ZSWIM6: variants seen among roughly 807,000 people sequenced by gnomAD.
ZSWIM6 encodes the protein zinc finger SWIM-type containing 6.
Under a neutral mutation model 113.2 loss-of-function variants are expected in ZSWIM6, and 9 were observed. That is an observed-to-expected ratio of 0.08 (90% CI 0.05 to 0.14). ZSWIM6 has a LOEUF of 0.14. Ranked by LOEUF, ZSWIM6 falls within the 10% of genes least tolerant of loss-of-function variation. ZSWIM6 has a pLI of 1.00. For missense variants in ZSWIM6, 1,162 were observed against 1,552.2 expected (o/e 0.75, Z 4.22); for synonymous variants, 611 against 606.5 (o/e 1.01, Z -0.11).
rs1005159235 is a variant in ZSWIM6, at chr5:61,444,124, C to A, written c.677-28557C>A. On this transcript the variant is annotated intron_variant, in intron 1 of 13. Transcript: ENST00000252744. ...CCCCCCACCCCACAACAGTCCCCAG[C>A]ATGTGATGTTCCCCTTCCTGTGTCC... Among the ~76,000 whole-genome samples the A allele has an allele frequency of 2.0e-4, 24 of 121,640 alleles. 1 individual carries two copies. The highest frequency in any genetic ancestry group is 7.5e-4 in the African/African-American group (24 of 32,144). The allele number at this position is 121,640 out of a possible 152,430, so 79.8% of individuals were successfully genotyped here.
chr5:61,461,902 C>G (rs1482015113), intron 1 of ZSWIM6, among the ~76,000 whole-genome samples: 1 of 152,070 alleles, frequency 6.6e-6, no homozygotes, highest in African/African-American at 2.4e-5. Context: ...AACAGATGAC[C>G]TCTTTGCTTA....
intron 1 of ZSWIM6, among the ~76,000 whole-genome samples, chr5:61,398,614 G>A (rs558524932): frequency 2.6e-5 from 4 of 152,192 alleles, no homozygotes; most frequent in South Asian, 2.1e-4. Context: ...TTGGAACCTC[G>A]TTTTTCCTTA....
intron 10 of ZSWIM6, 77 bp downstream of exon 10, chr5:61,535,696 C>A: frequency 1.3e-6 from 2 of 1,496,474 alleles, no homozygotes; most frequent in South Asian, 1.2e-5. Flanking sequence ...TGACTTACTC[C>A]TTCATGTTTC....
chr5:61,394,304 C>T (rs990243427), intron 1 of ZSWIM6, among the ~76,000 whole-genome samples: 3 of 152,150 alleles, frequency 2.0e-5, no homozygotes, highest in African/African-American at 7.2e-5. Context: ...GAGAGTGTGC[C>T]CTTGTCTCTG....
At chr5:61,504,149 G>A (rs1748541357) in intron 4 of ZSWIM6, among the ~76,000 whole-genome samples, 1 of 152,126 alleles carries the variant, frequency 6.6e-6, no homozygotes, top group South Asian at 2.1e-4. Flanking sequence ...TGATTGAAAG[G>A]TATTAATCTT....
At chr5:61,401,570 A>G (rs1339430977) in intron 1 of ZSWIM6, among the ~76,000 whole-genome samples, 2 of 152,124 alleles carry the variant, frequency 1.3e-5, no homozygotes, top group Non-Finnish European at 2.9e-5. Context: ...TCTGAATGAC[A>G]TTTACCTGAA....
intron 9 of ZSWIM6, 38 bp downstream of exon 9, chr5:61,531,763 T>C: frequency 6.5e-7 from 1 of 1,545,142 alleles, no homozygotes; most frequent in South Asian, 1.2e-5. Flanking sequence ...ATTTAGCCAA[T>C]TTGACTTAGG....
At chr5:61,521,583 T>C in intron 5 of ZSWIM6, 141 bp downstream of exon 5, 1 of 526,208 alleles carries the variant, frequency 1.9e-6, no homozygotes, top group Non-Finnish European at 3.0e-6. Context: ...ATGTGTTGAC[T>C]GTGAGTGTAT....
intron 4 of ZSWIM6, among the ~76,000 whole-genome samples, chr5:61,496,582 C>T (rs774932406): frequency 2.0e-5 from 3 of 152,204 alleles, no homozygotes; most frequent in Middle Eastern, 3.4e-3. Context: ...TGAGTTTTGT[C>T]GGCAAATGGG....
At chr5:61,370,338 TTC>T (rs1270151876) in intron 1 of ZSWIM6, among the ~76,000 whole-genome samples, 2 of 152,252 alleles carry the variant, frequency 1.3e-5, no homozygotes, top group African/African-American at 4.8e-5. Context: ...GGAAAAGTCA[TTC>T]TATACCATTG....
intron 1 of ZSWIM6, 133 bp downstream of exon 1, chr5:61,333,081 C>T (rs1744301625): frequency 9.4e-6 from 9 of 959,832 alleles, no homozygotes; most frequent in Non-Finnish European, 1.1e-5. Context: ...CCTCACTGGC[C>T]CGGACGGTCC....
chr5:61,451,635 G>A lies in ZSWIM6; in HGVS notation c.677-21046G>A, dbSNP rs372070621. Among the ~76,000 whole-genome samples the A allele has an allele frequency of 3.9e-4, 60 of 152,266 alleles. 1 individual carries two copies. In the South Asian group the frequency reaches 0.011, roughly 28 times the overall value. ...CCCCAGAATGGCAATAAAGATAGAG[G>A]AAAGGTTCTTTCTTTTAAATGGAGA... On this transcript the variant is annotated intron_variant, in intron 1 of 13. Transcript: ENST00000252744.
At chr5:61,423,421 C>CAA (rs57590872) in intron 1 of ZSWIM6, among the ~76,000 whole-genome samples, 3,295 of 137,742 alleles carry the variant, frequency 0.024, 139 homozygotes, top group South Asian at 0.19. Flanking sequence ...AAAAAAAACA[C>CAA]AAAAAAAAAA....
At chr5:61,359,790 C>T (rs1015319486) in intron 1 of ZSWIM6, among the ~76,000 whole-genome samples, 2 of 151,896 alleles carry the variant, frequency 1.3e-5, no homozygotes, top group Admixed American at 6.6e-5. Context: ...ATTTTCAAAA[C>T]GACTGTAAGA....
At chr5:61,352,301 A>G (rs559615351) in intron 1 of ZSWIM6, among the ~76,000 whole-genome samples, 13 of 152,326 alleles carry the variant, frequency 8.5e-5, no homozygotes, top group South Asian at 8.3e-4. Flanking sequence ...GTCCTCTCCC[A>G]TGAGATTGTA....
intron 12 of ZSWIM6, among the ~76,000 whole-genome samples, chr5:61,541,118 G>A (rs1363787681): frequency 6.6e-6 from 1 of 151,608 alleles, no homozygotes; most frequent in African/African-American, 2.4e-5. Context: ...TAATTTTTAT[G>A]TTTTTAATAG....
At chr5:61,390,385 A>T (rs1745681811) in intron 1 of ZSWIM6, among the ~76,000 whole-genome samples, 2 of 152,330 alleles carry the variant, frequency 1.3e-5, no homozygotes, top group South Asian at 4.1e-4. Flanking sequence ...TTAAGATTAG[A>T]TACCTTCAGA....
intron 1 of ZSWIM6, among the ~76,000 whole-genome samples, chr5:61,377,326 C>G (rs2112075605): frequency 6.6e-6 from 1 of 151,292 alleles, no homozygotes; most frequent in African/African-American, 2.4e-5. Flanking sequence ...AGAAATAGAA[C>G]TAAGCAGGGG....
In ZSWIM6 at chr5:61,387,779, C is replaced by T. The variant is rs554445492; in HGVS notation, c.676+54831C>T. 2.9e-4 allele frequency among the ~76,000 whole-genome samples: 44 copies of T among 151,582 alleles called. 1 individual carries two copies. The highest frequency in any genetic ancestry group is 9.9e-4 in the African/African-American group (41 of 41,388). Reference sequence around the variant, plus strand: ...AAAAAAAATTAGCTGGGCATGGTGGCGCATCCCTGTAATCCCAGCTACTCG... The same window carrying T: ...AAAAAAAATTAGCTGGGCATGGTGGTGCATCCCTGTAATCCCAGCTACTCG... On this transcript the variant is annotated intron_variant, in intron 1 of 13. Coordinates refer to ENST00000252744, the MANE Select transcript of ZSWIM6 (RefSeq NM_020928.2).
Sources: gnomAD v4.1 joint callset for allele counts (sites outside exome capture counted in the v4.1 genomes callset) on GRCh38, gnomAD v4.1.1 for gene constraint, MANE v1.5 for transcripts, NCBI Gene and HGNC (gene_info 2026-07-23, HGNC 2026-07-21) for gene names.